The following CUBN variants were observed in gnomAD, a reference collection of about 807,000 sequenced individuals.
CUBN encodes cubilin.
CUBN carries 282 observed loss-of-function variants against 405.3 expected under a neutral mutation model. The ratio of observed to expected loss-of-function variants is 0.70; its 90% CI spans 0.63 to 0.77. CUBN has a LOEUF of 0.77. Among genes scored for constraint, CUBN ranks in the 30% least tolerant of loss-of-function variants. The pLI, the probability that CUBN is intolerant of heterozygous loss-of-function variation, is 0.00. For synonymous variants in CUBN, 1,684 were observed against 1,617.0 expected, an observed-to-expected ratio of 1.04 and a Z score of -0.99; for missense variants, 4,514 against 4,475.2, an observed-to-expected ratio of 1.01 and a Z score of -0.25.
intron 56 of CUBN, among the ~76,000 whole-genome samples, chr10:16,882,343 A>G (rs1343026361): frequency 6.6e-6 from 1 of 152,210 alleles, no homozygotes; most frequent in Non-Finnish European, 1.5e-5. Flanking sequence ...ACGATTCCCT[A>G]TCATTTGTTT....
At chr10:16,919,784 T>G (rs1198583479) in intron 44 of CUBN, among the ~76,000 whole-genome samples, 179 bp downstream of exon 44, 1 of 152,152 alleles carries the variant, frequency 6.6e-6, no homozygotes, top group Non-Finnish European at 1.5e-5. Context: ...CATAACCGGC[T>G]CAGCTGATGG....
intron 31 of CUBN, among the ~76,000 whole-genome samples, chr10:16,974,561 C>T (rs113604828): frequency 1.1e-3 from 171 of 151,944 alleles, no homozygotes; most frequent in Non-Finnish European, 2.0e-3. Context: ...TTAGTAGAGA[C>T]GGGGTTTCAC....
In CUBN at chr10:16,866,083, T is replaced by A. The variant is rs567765511; in HGVS notation, c.9454+3553A>T. Among the ~76,000 whole-genome samples the A allele has an allele frequency of 9.9e-5, 15 of 152,212 alleles. No homozygotes were observed. In the South Asian group the frequency reaches 2.7e-3, roughly 27 times the overall value. On this transcript the variant is annotated intron_variant, in intron 59 of 66. Coordinates refer to ENST00000377833, the MANE Select transcript of CUBN (RefSeq NM_001081.4). ...CACCCCTCAGTCTCTCCTTGGCAAC[T>A]CACTAATTGAAATGCCTGCAGACCT...
At chr10:16,859,381 C>T (rs991174868) in intron 59 of CUBN, among the ~76,000 whole-genome samples, 5 of 152,058 alleles carry the variant, frequency 3.3e-5, no homozygotes, top group African/African-American at 9.7e-5. Context: ...AAATTGTTCA[C>T]CATTAAATTA....
At chr10:16,970,656 C>T (rs1843525761) in intron 31 of CUBN, among the ~76,000 whole-genome samples, 3 of 138,966 alleles carry the variant, frequency 2.2e-5, no homozygotes, top group Non-Finnish European at 3.2e-5. Context: ...TCTGCCATTC[C>T]GTATCCTGTA....
chr10:17,068,833 T>C (rs1215337943), intron 19 of CUBN, 63 bp from the exon 20 acceptor site: 6 of 1,261,822 alleles, frequency 4.8e-6, no homozygotes, highest in Non-Finnish European at 6.9e-6. Context: ...GCTTCAAGAA[T>C]AATTATTTCT....
At chr10:17,075,527 T>C (rs1414695846) in intron 17 of CUBN, among the ~76,000 whole-genome samples, 4 of 152,194 alleles carry the variant, frequency 2.6e-5, no homozygotes, top group African/African-American at 9.7e-5. Flanking sequence ...TCTAACACTG[T>C]ATCACAAGGA....
intron 59 of CUBN, among the ~76,000 whole-genome samples, chr10:16,861,786 C>T (rs1057396669): frequency 2.0e-5 from 3 of 152,080 alleles, no homozygotes; most frequent in Admixed American, 6.5e-5. Context: ...CTTTCTTCCA[C>T]GGAACATCCA....
intron 34 of CUBN, 144 bp downstream of exon 34, chr10:16,949,857 C>A: frequency 1.5e-6 from 1 of 680,080 alleles, no homozygotes; most frequent in Non-Finnish European, 2.6e-6. Context: ...TGCTTTCTTA[C>A]CCTCTAATCA....
chr10:16,829,056 G>C lies in CUBN; in HGVS notation c.10529-16C>G, dbSNP rs1298993256. The C allele has an allele frequency of 1.2e-6, 2 of 1,603,020 alleles. No individual in the cohort carries two copies. Among genetic ancestry groups the C allele is most frequent in the Non-Finnish European group, 1.7e-6 (2 of 1,171,170 alleles). ...CCACCACATCCTGCAAGGAAAACAG[G>C]ACAGGAAGTTTGATTCAACAGCATA... is the stretch of plus-strand genomic sequence containing the variant. On this transcript the variant is annotated splice_polypyrimidine_tract_variant and intron_variant, in intron 65 of 66. Coordinates refer to ENST00000377833, the MANE Select transcript of CUBN (RefSeq NM_001081.4).
chr10:16,858,367 C>T (rs954528743), intron 59 of CUBN, among the ~76,000 whole-genome samples: 2 of 152,184 alleles, frequency 1.3e-5, no homozygotes, highest in African/African-American at 2.4e-5. Flanking sequence ...GTCACCCAGA[C>T]TGGAGTGCAG....
chr10:17,059,644 C>A (rs753018680), intron 22 of CUBN, among the ~76,000 whole-genome samples: 2 of 152,190 alleles, frequency 1.3e-5, no homozygotes, highest in Non-Finnish European at 2.9e-5. Flanking sequence ...GGTTTAGCAT[C>A]CTTCAAAGTG....
At chr10:17,028,823 G>A (rs1229186636) in intron 27 of CUBN, among the ~76,000 whole-genome samples, 1 of 152,134 alleles carries the variant, frequency 6.6e-6, no homozygotes, top group Non-Finnish European at 1.5e-5. Flanking sequence ...ATTCTGTAAT[G>A]TTGCAATTGG....
At chr10:16,921,827 A>G (rs928272892) in intron 43 of CUBN, among the ~76,000 whole-genome samples, 1 of 152,168 alleles carries the variant, frequency 6.6e-6, no homozygotes, top group Non-Finnish European at 1.5e-5. Context: ...GTATTTACAG[A>G]TTCAGTCTAG....
At chr10:16,828,741 C>T in intron 66 of CUBN, 64 bp downstream of exon 66, 2 of 1,270,328 alleles carry the variant, frequency 1.6e-6, no homozygotes. Context: ...AAAAAGTCTA[C>T]ACTAAGTGAC....
intron 14 of CUBN, among the ~76,000 whole-genome samples, chr10:17,094,565 G>T (rs182774806): frequency 6.6e-6 from 1 of 151,948 alleles, no homozygotes; most frequent in Non-Finnish European, 1.5e-5. Context: ...TAAAGTTACA[G>T]GATATAAAAT....
At chr10:16,847,058 C>A (rs1046055582) in intron 60 of CUBN, among the ~76,000 whole-genome samples, 3 of 152,096 alleles carry the variant, frequency 2.0e-5, no homozygotes, top group African/African-American at 7.2e-5. Flanking sequence ...AAAACAAAGC[C>A]AATCAGAGCC....
intron 23 of CUBN, among the ~76,000 whole-genome samples, chr10:17,046,527 T>C (rs1479826691): frequency 1.3e-5 from 2 of 152,180 alleles, no homozygotes; most frequent in Non-Finnish European, 2.9e-5. Context: ...ATATTTGATA[T>C]ACTTAGCAAA....
At position 16,982,720 on chromosome 10, in the gene CUBN, G is replaced by T. The variant is rs566462407; in HGVS notation, c.4526-67C>A. 5.8e-6 allele frequency: 8 copies of T among 1,373,512 alleles called. No individual in the cohort carries two copies. The South Asian group carries it at 9.7e-5, about 17-fold the overall frequency. The allele number at this position is 1,373,512 out of a possible 1,614,324, so 85.1% of individuals were successfully genotyped here. ...GATGCTCGAAAATAATCCATTACCT[G>T]GTTGTATAGATCAATACATTACTTT... On this transcript the variant is annotated intron_variant, in intron 30 of 66. Coordinates refer to ENST00000377833, the MANE Select transcript of CUBN (RefSeq NM_001081.4).
Sources: allele counts gnomAD v4.1 joint callset (sites outside exome capture counted in the v4.1 genomes callset), GRCh38; gene constraint gnomAD v4.1.1; transcripts MANE v1.5; gene names NCBI Gene and HGNC (gene_info 2026-07-23, HGNC 2026-07-21).